Variants in TJP2 observed in about 807,000 individuals in gnomAD.
TJP2 encodes tight junction protein 2.
In TJP2, 91 loss-of-function variants were observed where a neutral mutation model predicts 133.1. The observed-to-expected ratio is 0.68, with a 90% CI of 0.58 to 0.81. The LOEUF (loss-of-function observed/expected upper bound fraction) is 0.81. Among genes scored for constraint, TJP2 ranks in the 40% least tolerant of loss-of-function variants. The pLI is 0.00. For missense variants in TJP2, 1,541 were observed against 1,565.6 expected (o/e 0.98, Z 0.26); for synonymous variants, 592 against 583.4 (o/e 1.01, Z -0.21).
At chr9:69,223,528 C>T (rs980799854) in intron 5 of TJP2, among the ~76,000 whole-genome samples, 4 of 152,198 alleles carry the variant, frequency 2.6e-5, no homozygotes, top group African/African-American at 9.6e-5. Context: ...AGGATGGTCT[C>T]GATCTCCTGA....
intron 5 of TJP2, among the ~76,000 whole-genome samples, chr9:69,223,549 C>G (rs12004488): frequency 6.6e-6 from 1 of 152,244 alleles, no homozygotes; most frequent in East Asian, 1.9e-4. Context: ...CCTCATGATC[C>G]GCCCACCTCA....
chr9:69,174,240 C>T (rs13301644), upstream of TJP2: 648,311 of 1,501,928 alleles, frequency 0.43, 143,103 homozygotes, highest in East Asian at 0.65. Flanking sequence ...GGGGTGGGTC[C>T]CCGCGGGTCG....
intron 1 of TJP2, among the ~76,000 whole-genome samples, chr9:69,178,200 C>T (rs1825236619): frequency 6.6e-6 from 1 of 152,066 alleles, no homozygotes; most frequent in Admixed American, 6.6e-5. Flanking sequence ...TATGCTATCC[C>T]AAAACAGTGC....
chr9:69,181,099 G>A (rs1011407296), intron 1 of TJP2, among the ~76,000 whole-genome samples: 6 of 152,004 alleles, frequency 3.9e-5, no homozygotes, highest in African/African-American at 1.2e-4. Context: ...TTAGAATTGC[G>A]AATTTCATCC....
chr9:69,195,581 G>C (rs61074083), intron 1 of TJP2, among the ~76,000 whole-genome samples: 57,710 of 151,984 alleles, frequency 0.38, 11,224 homozygotes, highest in South Asian at 0.44. Flanking sequence ...GTAGGGTTAG[G>C]GTATAGGGTT....
intron 2 of TJP2, among the ~76,000 whole-genome samples, chr9:69,215,758 C>G (rs189289198): frequency 6.6e-5 from 10 of 151,794 alleles, no homozygotes; most frequent in Admixed American, 5.9e-4. Context: ...ACAGTACAGG[C>G]CAGGCACAAT....
In TJP2 at chr9:69,248,118, C is replaced by A; in HGVS notation, c.2774C>A (p.Thr925Lys). The A allele has an allele frequency of 6.2e-7, 1 of 1,614,182 alleles. No homozygotes were observed. The highest frequency in any genetic ancestry group is 1.7e-4 in the Middle Eastern group (1 of 6,060). Reference protein sequence around the residue: ...DSRLISDFEDTDGEGGAYTDN... With the variant: ...DSRLISDFEDKDGEGGAYTDN... ...CGCCTCATCAGTGACTTTGAAGACA[C>A]GGACGGTGAAGGAGGCGCCTACACT... is the stretch of plus-strand genomic sequence containing the variant. The change falls in exon 19 of 23, where the codon ACG (threonine) becomes AAG (lysine). Residue 925 changes from threonine (T) to lysine (K), a missense_variant. By Grantham distance (78) the Thr-to-Lys change is moderately conservative. Transcript: ENST00000377245.
chr9:69,248,764 G>T, intron 19 of TJP2: 4 of 995,274 alleles, frequency 4.0e-6, no homozygotes, highest in Non-Finnish European at 4.8e-6. Flanking sequence ...TGATTAGATA[G>T]CTTATGGGAT....
chr9:69,174,464 G>A, intron 1 of TJP2, 32 bp downstream of exon 1: 1 of 1,424,550 alleles, frequency 7.0e-7, no homozygotes, highest in South Asian at 1.2e-5. Flanking sequence ...GCGGTTGGGA[G>A]GAGGGTCGTG....
Position 69,238,746 on chromosome 9 carries a change from C to G in TJP2, c.2312C>G (p.Thr771Ser), listed in dbSNP as rs747588684. Residue 771 changes from threonine (T) to serine (S), a missense_variant, in exon 16 of 23, where the codon ACT becomes AGT. Physicochemically the swap from Thr to Ser is moderately conservative, Grantham distance 58 (BLOSUM62 1). Coordinates refer to ENST00000377245, the MANE Select transcript of TJP2 (RefSeq NM_004817.4). Reference protein sequence around the residue: ...EPKDAGSEKSTGVVRLNTVRQ... With the variant: ...EPKDAGSEKSSGVVRLNTVRQ... ...AAAGATGCAGGATCTGAGAAATCCACTGGAGTGGTCCGGTTAAATACCGTG... is the reference window on the plus strand; with the variant it reads ...AAAGATGCAGGATCTGAGAAATCCAGTGGAGTGGTCCGGTTAAATACCGTG... The G allele has an allele frequency of 1.2e-6, 2 of 1,614,026 alleles. No homozygotes were observed. The highest frequency in any genetic ancestry group is 3.3e-5 in the Admixed American group (2 of 60,020).
In TJP2 at chr9:69,218,460, A is replaced by G. The variant is rs1828556396; in HGVS notation, c.342+101A>G. The G allele has an allele frequency of 4.2e-5, 35 of 834,396 alleles. 1 individual carries two copies. The South Asian group carries it at 4.9e-4, about 12-fold the overall frequency. The allele number at this position is 834,396 out of a possible 1,614,324, so 51.7% of individuals were successfully genotyped here. On this transcript the variant is annotated intron_variant, in intron 4 of 22. Coordinates refer to ENST00000377245, the MANE Select transcript of TJP2 (RefSeq NM_004817.4). ...TTTAAGCATTTGACAGAATTACATA[A>G]CCTAGGGACCGCTGTTCTTGGATCC...
intron 2 of TJP2, among the ~76,000 whole-genome samples, chr9:69,152,528 C>T (rs1823523399): frequency 6.6e-6 from 1 of 152,088 alleles, no homozygotes; most frequent in Non-Finnish European, 1.5e-5. Context: ...ATGGCACACT[C>T]CAGAAGAGCA....
intron 11 of TJP2, among the ~76,000 whole-genome samples, chr9:69,233,809 A>G (rs1254529653): frequency 6.6e-6 from 1 of 152,142 alleles, no homozygotes; most frequent in African/African-American, 2.4e-5. Flanking sequence ...TATGATTTCA[A>G]AATGTCTTGT....
rs1217080502 is a variant in TJP2 at position 69,208,681 on chromosome 9, A to G, written c.61-3867A>G. The stretch of plus-strand genomic sequence containing the variant: ...TAATGTACTCATAAAAATATTCTCT[A>G]TAATAGCACAGCTCCTTGGGATATT... On this transcript the variant is annotated intron_variant, in intron 1 of 22. Transcript: ENST00000377245. Among the ~76,000 whole-genome samples the G allele has an allele frequency of 2.6e-5, 4 of 152,242 alleles. No individual in the cohort carries two copies. In the East Asian group the frequency reaches 7.7e-4, roughly 29 times the overall value.
chr9:69,147,842 CAG>C (rs1233262596), intron 1 of TJP2, among the ~76,000 whole-genome samples: 1 of 151,958 alleles, frequency 6.6e-6, no homozygotes, highest in African/African-American at 2.4e-5. Context: ...AGCATTGGAT[CAG>C]AGGACGAACA....
Position 69,221,480 on chromosome 9 carries a change from A to G in TJP2, c.936A>G (p.Lys312=), listed in dbSNP as rs1343767818. ...RPGPIGVLLM[K]SRANEEYGLR... is the part of the protein sequence containing the mutation. ...GGCCCATCGGGGTCCTCCTGATGAA[A>G]AGCAGAGCGAACGAAGGTAGGCATG... is the stretch of plus-strand genomic sequence containing the variant. The change falls in exon 5 of 23, where the codon AAA becomes AAG. Residue 312 remains lysine (K), a synonymous_variant. Coordinates refer to ENST00000377245, the MANE Select transcript of TJP2 (RefSeq NM_004817.4). 5 of 1,602,258 alleles carry G rather than the reference A, an allele frequency of 3.1e-6. No homozygotes were observed. Among genetic ancestry groups the G allele is most frequent in the Non-Finnish European group, 4.3e-6 (5 of 1,174,252 alleles).
chr9:69,247,870 C>G, intron 18 of TJP2, 142 bp from the exon 19 acceptor site: 1 of 817,344 alleles, frequency 1.2e-6, no homozygotes. Flanking sequence ...CAAGTGATCT[C>G]AGGGAGAAAA....
rs536337576 is a variant in TJP2, at chr9:69,123,418, G to A, written c.-131+1693G>A. 2.6e-5 allele frequency among the ~76,000 whole-genome samples: 2 copies of A among 76,966 alleles called. 1 individual carries two copies. The highest frequency in any genetic ancestry group is 7.2e-4 in the South Asian group (2 of 2,796). The allele number at this position is 76,966 out of a possible 152,430, so 50.5% of individuals were successfully genotyped here. ...ACTTTTTCATCATCCCAAACAGAAAGCCATTAGAATACCTTATTTTCTCCT... is the reference window on the plus strand; with the variant it reads ...ACTTTTTCATCATCCCAAACAGAAAACCATTAGAATACCTTATTTTCTCCT... On this transcript the variant is annotated intron_variant, in intron 1 of 5. Coordinates refer to the TJP2 transcript ENST00000423935.
intron 11 of TJP2, among the ~76,000 whole-genome samples, chr9:69,233,278 C>T (rs1445002605): frequency 6.6e-6 from 1 of 152,170 alleles, no homozygotes; most frequent in Non-Finnish European, 1.5e-5. Flanking sequence ...TTAAGGCCCA[C>T]CCAACTAAGG....
Sources: gnomAD v4.1 joint callset for allele counts (sites outside exome capture counted in the v4.1 genomes callset) on GRCh38, gnomAD v4.1.1 for gene constraint, MANE v1.5 for transcripts, NCBI Gene and HGNC (gene_info 2026-07-23, HGNC 2026-07-21) for gene names.